CALN1: variants seen among roughly 807,000 people sequenced by gnomAD.
CALN1 encodes the protein calcium-binding protein 8.
A neutral mutation model predicts 30.6 loss-of-function variants in CALN1; 17 were observed. The observed-to-expected ratio is 0.56, with a 90% CI of 0.38 to 0.83. CALN1 has a LOEUF of 0.83. CALN1 is among the 40% of genes least tolerant of loss of function. The pLI is 0.00. For synonymous variants in CALN1, 156 were observed against 131.4 expected (o/e 1.19, Z -1.28); for missense variants, 291 against 354.9 (o/e 0.82, Z 1.45).
At chr7:72,278,920 T>G in intron 2 of CALN1, 110 bp from the exon 3 acceptor site, 1 of 1,397,462 alleles carries the variant, frequency 7.2e-7, no homozygotes, top group Non-Finnish European at 9.7e-7. Flanking sequence ...ATTTTAAAAA[T>G]AGCAGTAATA....
chr7:72,119,951 A>G (rs2107730), intron 3 of CALN1, among the ~76,000 whole-genome samples: 2,959 of 152,244 alleles, frequency 0.019, 35 homozygotes, highest in Non-Finnish European at 0.03. Flanking sequence ...TAGTTTTTTA[A>G]AAGTAATTTC....
intron 3 of CALN1, among the ~76,000 whole-genome samples, chr7:72,205,542 C>CAAAAAAAAA (rs375314989): frequency 5.1e-4 from 27 of 53,088 alleles, no homozygotes; most frequent in African/African-American, 2.5e-3. Context: ...CTCCTGATTG[C>CAAAAAAAAA]AAAAAAAAAA....
chr7:72,216,424 C>A (rs12113387), intron 3 of CALN1, among the ~76,000 whole-genome samples: 104,661 of 150,946 alleles, frequency 0.69, 36,834 homozygotes, highest in East Asian at 1. Flanking sequence ...TAAAAAAAAA[C>A]ATTAAAGATA....
intron 5 of CALN1, among the ~76,000 whole-genome samples, chr7:71,924,950 A>C (rs1351741040): frequency 6.6e-6 from 1 of 152,198 alleles, no homozygotes; most frequent in East Asian, 1.9e-4. Flanking sequence ...TTTACAATGA[A>C]ATAAATTTGG....
At chr7:71,825,013 T>C (rs1029708910) in intron 5 of CALN1, among the ~76,000 whole-genome samples, 11 of 152,146 alleles carry the variant, frequency 7.2e-5, no homozygotes, top group Non-Finnish European at 1.3e-4. Flanking sequence ...CCAAGCGAGG[T>C]CAGTAGATCT....
At chr7:72,052,847 T>TG (rs1563013547) in intron 4 of CALN1, among the ~76,000 whole-genome samples, 1 of 152,096 alleles carries the variant, frequency 6.6e-6, no homozygotes, top group African/African-American at 2.4e-5. Context: ...ACTTAGAGGG[T>TG]GGCCAGGTGT....
chr7:71,979,671 G>A (rs1798289180), intron 5 of CALN1, among the ~76,000 whole-genome samples: 1 of 151,994 alleles, frequency 6.6e-6, no homozygotes, highest in Middle Eastern at 3.2e-3. Context: ...CGGCCGGGGG[G>A]TTGGGGACCC....
At chr7:72,206,746 T>C (rs1791916881) in intron 3 of CALN1, among the ~76,000 whole-genome samples, 1 of 152,230 alleles carries the variant, frequency 6.6e-6, no homozygotes, top group Non-Finnish European at 1.5e-5. Flanking sequence ...AGAATATGTT[T>C]ATCTCCTTTC....
At chr7:72,411,548 C>T (rs977430796) in intron 1 of CALN1, among the ~76,000 whole-genome samples, 10 of 152,258 alleles carry the variant, frequency 6.6e-5, no homozygotes, top group Admixed American at 3.3e-4. Flanking sequence ...ACTGAAAAGA[C>T]GTCAAGGTAA....
chr7:72,234,504 T>G (rs1184741547), intron 3 of CALN1, among the ~76,000 whole-genome samples: 1 of 152,124 alleles, frequency 6.6e-6, no homozygotes, highest in Non-Finnish European at 1.5e-5. Flanking sequence ...TGGAATGCCA[T>G]GGCGCGATCT....
At chr7:71,873,682 C>T (rs911826653) in intron 5 of CALN1, among the ~76,000 whole-genome samples, 2 of 152,226 alleles carry the variant, frequency 1.3e-5, no homozygotes, top group African/African-American at 2.4e-5. Flanking sequence ...ACCAGACCTA[C>T]GTGGGCAGAA....
upstream of CALN1, among the ~76,000 whole-genome samples, chr7:72,413,705 CACATAT>C (rs1807325955): frequency 2.0e-5 from 3 of 152,152 alleles, no homozygotes; most frequent in South Asian, 6.2e-4. Context: ...ACTACACATA[CACATAT>C]ACACTTACAC....
chr7:72,215,053 A>G (rs2129548475), intron 3 of CALN1, among the ~76,000 whole-genome samples: 1 of 152,182 alleles, frequency 6.6e-6, no homozygotes, highest in Middle Eastern at 3.4e-3. Context: ...TGCACAATAA[A>G]TGGAATGCAC....
In CALN1 at chr7:72,398,359, C is replaced by T. The variant is rs73702932; in HGVS notation, c.119+4892G>A. Among the ~76,000 whole-genome samples, 1,445 of 152,270 alleles carry T rather than the reference C, an allele frequency of 9.5e-3. 25 individuals are homozygous for T. The highest frequency in any genetic ancestry group is 0.031 in the African/African-American group (1,305 of 41,530). On this transcript the variant is annotated intron_variant, in intron 2 of 6. Coordinates refer to ENST00000395275, the MANE Select transcript of CALN1 (RefSeq NM_031468.4). ...TTTGAATTTCCATTGCTTTCAGAGTCGGCAATTTAATGAGTCAGGCATTCT... is the reference window on the plus strand; with the variant it reads ...TTTGAATTTCCATTGCTTTCAGAGTTGGCAATTTAATGAGTCAGGCATTCT...
chr7:72,451,188 GAGA>G (rs758368072), upstream of CALN1, among the ~76,000 whole-genome samples: 255 of 125,094 alleles, frequency 2.0e-3, no homozygotes, highest in Middle Eastern at 4.0e-3. Flanking sequence ...GCAGGAGGAG[GAGA>G]AGAAGAAGAA....
chr7:72,103,506 T>C (rs754440695), intron 4 of CALN1, among the ~76,000 whole-genome samples: 3 of 152,194 alleles, frequency 2.0e-5, no homozygotes, highest in Non-Finnish European at 2.9e-5. Context: ...CTTATGGGGC[T>C]ACTTTGAAAG....
chr7:72,091,408 CT>C (rs558222972), intron 4 of CALN1, among the ~76,000 whole-genome samples: 1,571 of 144,982 alleles, frequency 0.011, 10 homozygotes, highest in Non-Finnish European at 0.019. Context: ...TGCTATGTTC[CT>C]AACACAAAGA....
At chr7:72,348,604 G>C (rs1011431113) in intron 2 of CALN1, among the ~76,000 whole-genome samples, 2 of 152,250 alleles carry the variant, frequency 1.3e-5, no homozygotes, top group African/African-American at 4.8e-5. Flanking sequence ...ACAATTTCTA[G>C]ACGTAAGAAA....
intron 1 of CALN1, among the ~76,000 whole-genome samples, chr7:72,411,085 T>C (rs893402682): frequency 1.3e-5 from 2 of 151,248 alleles, no homozygotes; most frequent in Non-Finnish European, 2.9e-5. Context: ...TAACAGGACA[T>C]GTGTAGAAAC....
Sources: allele counts gnomAD v4.1 joint callset (sites outside exome capture counted in the v4.1 genomes callset), GRCh38; gene constraint gnomAD v4.1.1; transcripts MANE v1.5; gene names NCBI Gene and HGNC (gene_info 2026-07-23, HGNC 2026-07-21).